LRRC4B: variants seen among roughly 807,000 people sequenced by gnomAD.
The protein encoded by LRRC4B is leucine-rich repeat-containing protein 4B.
A neutral mutation model predicts 7.3 loss-of-function variants in LRRC4B; 1 was observed. That is an observed-to-expected ratio of 0.14 (90% confidence interval 0.05 to 0.65). LRRC4B has a LOEUF of 0.65. Ranked by LOEUF, LRRC4B falls within the 30% of genes least tolerant of loss-of-function variation. LRRC4B has a pLI of 0.84. For missense variants in LRRC4B, 730 were observed against 1,041.6 expected (o/e 0.70, Z 4.12); for synonymous variants, 500 against 499.2 (o/e 1.00, Z -0.02).
intron 2 of LRRC4B, among the ~76,000 whole-genome samples, chr19:50,540,692 G>A (rs1489211528): frequency 1.3e-5 from 2 of 151,744 alleles, no homozygotes; most frequent in East Asian, 3.9e-4. Flanking sequence ...ACCCTATTGT[G>A]AACTGTGCAG....
In LRRC4B at chr19:50,542,811, T is replaced by A. The variant is rs533039306; in HGVS notation, c.297+5731A>T. On this transcript the variant is annotated intron_variant, in intron 2 of 2. Coordinates refer to ENST00000652263, the MANE Select transcript of LRRC4B (RefSeq NM_001080457.2). ...AAAAAACACATCCTCTGTCTTACTA[T>A]GGGGACCACCTACTGTCTCTGTCAT... Among the ~76,000 whole-genome samples, 3 of 152,078 alleles carry A rather than the reference T, an allele frequency of 2.0e-5. No individual in the cohort carries two copies. In the East Asian group the frequency reaches 5.8e-4, roughly 29 times the overall value.
At chr19:50,546,939 C>T (rs1237046603) in intron 2 of LRRC4B, among the ~76,000 whole-genome samples, 3 of 152,210 alleles carry the variant, frequency 2.0e-5, no homozygotes, top group South Asian at 2.1e-4. Flanking sequence ...TGTGAGCTGC[C>T]GGGGCTAGGG....
chr19:50,539,236 T>C (rs193000699), intron 2 of LRRC4B, among the ~76,000 whole-genome samples: 166 of 152,372 alleles, frequency 1.1e-3, no homozygotes, highest in African/African-American at 3.8e-3. Flanking sequence ...CCACTTTGGC[T>C]GTCTGGGCCT....
At chr19:50,542,469 ATTTTTTTTTT>A (rs58092334) in intron 2 of LRRC4B, among the ~76,000 whole-genome samples, 1 of 107,236 alleles carries the variant, frequency 9.3e-6, no homozygotes, top group Non-Finnish European at 1.8e-5. Context: ...AGAATTGCTG[ATTTTTTTTTT>A]TTTTTTTTTT....
rs1601369373 is a variant in LRRC4B at position 50,519,972 on chromosome 19, A to G, written c.298-557T>C. Reference sequence around the variant, plus strand: ...CACTTTGGGAGGCTGAGGTGGGCAGATCACTTGAACCCAGGAGATCAAGAT... The same window carrying G: ...CACTTTGGGAGGCTGAGGTGGGCAGGTCACTTGAACCCAGGAGATCAAGAT... On this transcript the variant is annotated intron_variant, in intron 2 of 2. Transcript: ENST00000652263. The surrounding 1 kb of genome is among the most constrained non-coding windows in gnomAD (Gnocchi z 8.1). Among the ~76,000 whole-genome samples, 1 of 152,022 alleles carries G rather than the reference A, an allele frequency of 6.6e-6. No individual in the cohort carries two copies. The highest frequency in any genetic ancestry group is 1.9e-4 in the East Asian group (1 of 5,182).
At chr19:50,565,148 C>T (rs1258228435) in intron 1 of LRRC4B, among the ~76,000 whole-genome samples, 5 of 152,198 alleles carry the variant, frequency 3.3e-5, no homozygotes, top group Admixed American at 6.5e-5. Context: ...CTGCAGTGCA[C>T]ACACGTGCCT....
At chr19:50,522,625 C>T (rs1980633929) in intron 2 of LRRC4B, among the ~76,000 whole-genome samples, 2 of 151,610 alleles carry the variant, frequency 1.3e-5, no homozygotes, top group Non-Finnish European at 2.9e-5. Flanking sequence ...TACAGGCACG[C>T]ATCAACACGC....
rs535926129 is a variant in LRRC4B, at chr19:50,555,127, A to G, written c.-35-6254T>C. ...CACGCACCCCTAGTAGTGATGGGAA[A>G]TACTGATTACATGTGGGTGCCATGC... On this transcript the variant is annotated intron_variant, in intron 1 of 2. Transcript: ENST00000652263. This position sits in a 1 kb window ranked among gnomAD's most constrained non-coding sequence, Gnocchi z 5.2. 1.3e-4 allele frequency among the ~76,000 whole-genome samples: 20 copies of G among 152,314 alleles called. No individual in the cohort carries two copies. The South Asian group carries it at 3.1e-3, about 24-fold the overall frequency.
chr19:50,545,246 A>G (rs1981748468), intron 2 of LRRC4B, among the ~76,000 whole-genome samples: 1 of 151,976 alleles, frequency 6.6e-6, no homozygotes, highest in African/African-American at 2.4e-5. Context: ...TGTCTCTACT[A>G]AAAATACAAA....
chr19:50,522,459 A>ATTTAT (rs1491583815), intron 2 of LRRC4B, among the ~76,000 whole-genome samples: 9 of 147,094 alleles, frequency 6.1e-5, no homozygotes, highest in Non-Finnish European at 1.2e-4. Context: ...TATTTTATTT[A>ATTTAT]TTATTTATTT....
intron 2 of LRRC4B, among the ~76,000 whole-genome samples, chr19:50,529,781 C>T (rs995909842): frequency 6.6e-6 from 1 of 152,156 alleles, no homozygotes; most frequent in African/African-American, 2.4e-5. Context: ...GCCTGGGCAA[C>T]AGAGTGAGAA....
rs375889820 is a variant in LRRC4B at position 50,534,202 on chromosome 19, C to A, written c.297+14340G>T. Among the ~76,000 whole-genome samples the A allele has an allele frequency of 1.4e-4, 21 of 152,318 alleles. No individual in the cohort carries two copies. In the East Asian group the frequency reaches 3.9e-3, roughly 28 times the overall value. ...ACACTAAACAAAACAATTATGCCAA[C>A]AATCATTTAACCAGCAAAGGTGTAC... On this transcript the variant is annotated intron_variant, in intron 2 of 2. Coordinates refer to ENST00000652263, the MANE Select transcript of LRRC4B (RefSeq NM_001080457.2).
chr19:50,543,852 C>CAAAAAAAAAAAAAAAAAA (rs36044151), intron 2 of LRRC4B, among the ~76,000 whole-genome samples: 2 of 83,376 alleles, frequency 2.4e-5, no homozygotes, highest in African/African-American at 1.0e-4. Flanking sequence ...GCCTCCATCT[C>CAAAAAAAAAAAAAAAAAA]AAAAAAAAAA....
At chr19:50,543,576 G>A (rs187127149) in intron 2 of LRRC4B, among the ~76,000 whole-genome samples, 48 of 152,196 alleles carry the variant, frequency 3.2e-4, no homozygotes, top group Admixed American at 1.1e-3. Flanking sequence ...AGGAGGCCGG[G>A]CGCGGTGGCT....
chr19:50,551,490 G>A (rs937572711), intron 1 of LRRC4B, among the ~76,000 whole-genome samples: 6 of 51,610 alleles, frequency 1.2e-4, no homozygotes, highest in Admixed American at 2.4e-4. Flanking sequence ...TCCCCCGACC[G>A]CAGCCTCCTT....
chr19:50,520,740 C>T (rs1980539628), intron 2 of LRRC4B, among the ~76,000 whole-genome samples: 1 of 152,074 alleles, frequency 6.6e-6, no homozygotes, highest in Non-Finnish European at 1.5e-5. Flanking sequence ...AGCTTGAGAC[C>T]AGTCTGGGCA....
At position 50,518,317 on chromosome 19, in the gene LRRC4B, T is replaced by G; in HGVS notation, c.1396A>C (p.Ser466Arg). 1 of 1,605,886 alleles carries G rather than the reference T, an allele frequency of 6.2e-7. No individual in the cohort carries two copies. Among genetic ancestry groups the G allele is most frequent in the Non-Finnish European group, 8.5e-7 (1 of 1,177,038 alleles). ...VDPVAAGGTG[S>R]GGGGPGGSGG... ...CTGCCCCCAGGGCCGCCCCCGCCGC[T>G]GCCGGTGCCCCCGGCCGCCACGGGG... Residue 466 changes from serine to arginine, a missense_variant, in exon 3 of 3, where the codon AGC (serine) becomes CGC (arginine). Around this residue, in one of 6 missense-constraint regions of LRRC4B, gnomAD observed 192 missense variants for 228.6 expected, o/e 0.84. Coordinates refer to ENST00000652263, the MANE Select transcript of LRRC4B (RefSeq NM_001080457.2).
chr19:50,517,460 G>A lies in LRRC4B; in HGVS notation c.*111C>T. ...GCCACCTCTCCCCAATTCCCTGCGT[G>A]GTCCCAGAAGGTGGGCTGGGCTGTG... On this transcript the variant is annotated 3_prime_UTR_variant, in exon 3 of 3. Coordinates refer to ENST00000652263, the MANE Select transcript of LRRC4B (RefSeq NM_001080457.2). The surrounding 1 kb of genome is among the most constrained non-coding windows in gnomAD (Gnocchi z 6.6). 2 of 989,560 alleles carry A rather than the reference G, an allele frequency of 2.0e-6. No homozygotes were observed. Among genetic ancestry groups the A allele is most frequent in the Non-Finnish European group, 1.3e-6 (1 of 749,556 alleles). The allele number at this position is 989,560 out of a possible 1,614,324, so 61.3% of individuals were successfully genotyped here.
chr19:50,534,470 G>A (rs1981179317), intron 2 of LRRC4B, among the ~76,000 whole-genome samples: 1 of 152,164 alleles, frequency 6.6e-6, no homozygotes, highest in Admixed American at 6.5e-5. Context: ...TACAGTAGAG[G>A]ACCTAGGCCT....
Sources: allele counts gnomAD v4.1 joint callset (sites outside exome capture counted in the v4.1 genomes callset), GRCh38; gene constraint gnomAD v4.1.1; regional missense constraint gnomAD v4.1.1; non-coding constraint Gnocchi (gnomAD v3.1); transcripts MANE v1.5; gene names NCBI Gene and HGNC (gene_info 2026-07-23, HGNC 2026-07-21).